Variants in EDNRA observed in about 807,000 individuals in gnomAD.
The protein encoded by EDNRA is endothelin receptor type A, also known as endothelin-1 receptor.
EDNRA carries 11 observed loss-of-function variants against 41.4 expected under a neutral mutation model. The ratio of observed to expected loss-of-function variants is 0.27; its 90% CI spans 0.17 to 0.44. The LOEUF is 0.44. Among genes scored for constraint, EDNRA ranks in the 20% least tolerant of loss-of-function variants. EDNRA has a pLI of 1.00. For missense variants in EDNRA, 294 were observed against 531.0 expected (o/e 0.55, Z 4.39); for synonymous variants, 172 against 183.0 (o/e 0.94, Z 0.49).
intron 6 of EDNRA, 136 bp from the exon 7 acceptor site, chr4:147,540,241 T>C: frequency 1.2e-6 from 1 of 810,874 alleles, no homozygotes; most frequent in Non-Finnish European, 1.9e-6. Context: ...AACAAGCACT[T>C]TTTACAAAAT....
At chr4:147,502,888 G>A (rs1471703885) in intron 2 of EDNRA, among the ~76,000 whole-genome samples, 1 of 152,106 alleles carries the variant, frequency 6.6e-6, no homozygotes, top group Non-Finnish European at 1.5e-5. Flanking sequence ...ATATTTTTAG[G>A]ACTGATATGA....
At chr4:147,526,457 C>T (rs901724067) in intron 3 of EDNRA, among the ~76,000 whole-genome samples, 1 of 152,142 alleles carries the variant, frequency 6.6e-6, no homozygotes, top group African/African-American at 2.4e-5. Flanking sequence ...CCCATCTCCC[C>T]CTCCATGTAG....
intron 2 of EDNRA, among the ~76,000 whole-genome samples, chr4:147,517,285 T>A (rs1730147586): frequency 6.6e-6 from 1 of 152,210 alleles, no homozygotes; most frequent in South Asian, 2.1e-4. Context: ...TTTGCCTCCA[T>A]GAGGACTCCT....
chr4:147,509,207 G>A (rs532593694), intron 2 of EDNRA, among the ~76,000 whole-genome samples: 1 of 152,238 alleles, frequency 6.6e-6, no homozygotes, highest in South Asian at 2.1e-4. Flanking sequence ...CTTTGTTCAA[G>A]TTCTATTCCT....
At chr4:147,499,365 T>C (rs1729428214) in intron 2 of EDNRA, among the ~76,000 whole-genome samples, 2 of 152,192 alleles carry the variant, frequency 1.3e-5, no homozygotes, top group Non-Finnish European at 2.9e-5. Context: ...CTGAAGTCAT[T>C]ATTTTGTATT....
chr4:147,527,802 A>G (rs900700348), intron 3 of EDNRA, among the ~76,000 whole-genome samples: 7 of 152,158 alleles, frequency 4.6e-5, no homozygotes, highest in African/African-American at 1.7e-4. Flanking sequence ...AGGTGATATA[A>G]TGCAAAAAGG....
Position 147,519,686 on chromosome 4 carries a change from A to T in EDNRA, c.421-165A>T, listed in dbSNP as rs569492012. 6.6e-6 allele frequency among the ~76,000 whole-genome samples: 1 copy of T among 152,152 alleles called. No individual in the cohort carries two copies. The highest frequency in any genetic ancestry group is 1.5e-5 in the Non-Finnish European group (1 of 67,998). ...AGACTAAAAATTGCTGAGGCTTTAA[A>T]ATACGAAAGAAAAAAATAACAATTC... On this transcript the variant is annotated intron_variant, in intron 2 of 7. Transcript: ENST00000651419. The surrounding 1 kb of genome is among the most constrained non-coding windows in gnomAD (Gnocchi z 4.1).
intron 2 of EDNRA, among the ~76,000 whole-genome samples, chr4:147,508,131 T>A (rs1729787402): frequency 6.8e-6 from 1 of 147,022 alleles, no homozygotes; most frequent in Non-Finnish European, 1.5e-5. Flanking sequence ...AAAAATTCTT[T>A]ATTTTATTTA....
At chr4:147,504,570 G>A (rs1227223935) in intron 2 of EDNRA, among the ~76,000 whole-genome samples, 2 of 152,006 alleles carry the variant, frequency 1.3e-5, no homozygotes, top group Non-Finnish European at 2.9e-5. Flanking sequence ...TATCTTAAGG[G>A]AAACTCATGA....
intron 5 of EDNRA, among the ~76,000 whole-genome samples, chr4:147,537,532 A>G (rs1193736456): frequency 6.6e-6 from 1 of 152,172 alleles, no homozygotes; most frequent in Non-Finnish European, 1.5e-5. Flanking sequence ...TGTTTAAGCT[A>G]TGAGTGGTAT....
intron 2 of EDNRA, chr4:147,489,801 T>C (rs941712325): frequency 1.3e-5 from 2 of 152,154 alleles, no homozygotes; most frequent in African/African-American, 4.8e-5. Flanking sequence ...ATCTGTCAAG[T>C]GCCACTGCTT....
At chr4:147,530,305 G>A (rs1481367538) in intron 3 of EDNRA, among the ~76,000 whole-genome samples, 2 of 152,130 alleles carry the variant, frequency 1.3e-5, no homozygotes, top group Non-Finnish European at 2.9e-5. Flanking sequence ...GACAGCCTTG[G>A]GATATAGACA....
At chr4:147,516,629 C>A (rs1578798779) in intron 2 of EDNRA, among the ~76,000 whole-genome samples, 3 of 152,102 alleles carry the variant, frequency 2.0e-5, no homozygotes, top group Admixed American at 2.0e-4. Context: ...ACTCTTGTAG[C>A]AAAAATAAGC....
At chr4:147,494,571 C>T (rs1298326899) in intron 2 of EDNRA, 4 of 152,448 alleles carry the variant, frequency 2.6e-5, no homozygotes, top group Non-Finnish European at 2.9e-5. Flanking sequence ...GAGAGAGAGT[C>T]GTGGCAAATG....
intron 2 of EDNRA, among the ~76,000 whole-genome samples, chr4:147,508,975 T>C (rs1156333444): frequency 1.3e-5 from 2 of 152,248 alleles, no homozygotes; most frequent in Non-Finnish European, 2.9e-5. Context: ...AATTTGTTAG[T>C]TTCCTTGGAT....
chr4:147,504,957 C>CAAAAAAAAA (rs57911108), intron 2 of EDNRA, among the ~76,000 whole-genome samples: 5,429 of 38,636 alleles, frequency 0.14, 715 homozygotes, highest in Non-Finnish European at 0.16. Context: ...GACCCTGTCT[C>CAAAAAAAAA]AAAAAAAAAA....
At chr4:147,528,061 T>A (rs977482340) in intron 3 of EDNRA, among the ~76,000 whole-genome samples, 5 of 152,254 alleles carry the variant, frequency 3.3e-5, no homozygotes, top group African/African-American at 9.6e-5. Context: ...AGTGTGCTAT[T>A]AGCTTTAGCC....
At chr4:147,520,107 C>A in intron 3 of EDNRA, 129 bp downstream of exon 3, 1 of 1,251,034 alleles carries the variant, frequency 8.0e-7, no homozygotes, top group Non-Finnish European at 1.1e-6. Context: ...AAAGCATTAA[C>A]CATCTTGCCT....
rs748272174 is a variant in EDNRA, at chr4:147,486,062, T to C, written c.381T>C (p.Leu127=). Residue 127 remains leucine (L), a synonymous_variant, in exon 2 of 8, where the codon CTT becomes CTC. Coordinates refer to ENST00000651419, the MANE Select transcript of EDNRA (RefSeq NM_001957.4). This position sits in a 1 kb window ranked among gnomAD's most constrained non-coding sequence, Gnocchi z 4.3. ...ALIASLALGD[L]IYVVIDLPIN... is the part of the protein sequence containing the mutation. ...TAGCCAGTCTTGCCCTTGGAGACCTTATCTATGTGGTCATTGATCTCCCTA... is the reference window on the plus strand; with the variant it reads ...TAGCCAGTCTTGCCCTTGGAGACCTCATCTATGTGGTCATTGATCTCCCTA... 1 of 1,614,090 alleles carries C rather than the reference T, an allele frequency of 6.2e-7. No individual in the cohort carries two copies. The highest frequency in any genetic ancestry group is 8.5e-7 in the Non-Finnish European group (1 of 1,179,942).
Sources: gnomAD v4.1 joint callset for allele counts (sites outside exome capture counted in the v4.1 genomes callset) on GRCh38, gnomAD v4.1.1 for gene constraint, Gnocchi (gnomAD v3.1) non-coding constraint, MANE v1.5 for transcripts, NCBI Gene and HGNC (gene_info 2026-07-23, HGNC 2026-07-21) for gene names.